Variants in PRKACB observed in about 807,000 individuals in gnomAD.
PRKACB encodes cAMP-dependent protein kinase catalytic subunit beta.
A neutral mutation model predicts 51.4 loss-of-function variants in PRKACB; 16 were observed. The observed-to-expected ratio is 0.31, with a 90% confidence interval of 0.21 to 0.47. The LOEUF is 0.47. Among genes scored for constraint, PRKACB ranks in the 20% least tolerant of loss-of-function variants. The pLI is 1.00. For synonymous variants in PRKACB, 147 were observed against 154.4 expected (o/e 0.95, Z 0.35); for missense variants, 309 against 464.5 (o/e 0.67, Z 3.08).
At chr1:84,193,121 C>G (rs1667268293) in intron 5 of PRKACB, among the ~76,000 whole-genome samples, 1 of 152,062 alleles carries the variant, frequency 6.6e-6, no homozygotes, top group African/African-American at 2.4e-5. Context: ...ATCAGTTAAC[C>G]AGGAGGCAAA....
intron 8 of PRKACB, among the ~76,000 whole-genome samples, chr1:84,207,618 C>A (rs1671539632): frequency 6.6e-6 from 1 of 152,074 alleles, no homozygotes; most frequent in African/African-American, 2.4e-5. Flanking sequence ...ATGCTCGTAG[C>A]CAGTAGTTAG....
rs1025059406 is a variant in PRKACB, at chr1:84,164,886, C to T, written c.188-14291C>T. 6.2e-6 allele frequency: 9 copies of T among 1,448,504 alleles called. No individual in the cohort carries two copies. In the African/African-American group the frequency reaches 1.0e-4, roughly 16 times the overall value. The allele number at this position is 1,448,504 out of a possible 1,614,324, so 89.7% of individuals were successfully genotyped here. ...GAAAGCTCTTTTCGTTTTCTGTGTG[C>T]TGCATGCTCCAGTGTGTGTGTTTAC... On this transcript the variant is annotated intron_variant, in intron 1 of 9. Coordinates refer to ENST00000370685, the MANE Select transcript of PRKACB (RefSeq NM_182948.4).
At chr1:84,173,162 A>G (rs1660093754) in intron 1 of PRKACB, among the ~76,000 whole-genome samples, 1 of 151,706 alleles carries the variant, frequency 6.6e-6, no homozygotes, top group Non-Finnish European at 1.5e-5. Flanking sequence ...GGATATCCAA[A>G]GAATTTCTTG....
chr1:84,112,091 C>G lies in PRKACB; in HGVS notation c.46+33720C>G, dbSNP rs181191417. Reference sequence around the variant, plus strand: ...GAGTCTTGTGAGCCTAACTCAAAGACACAAGATTAAATGATTAGTTTTACA... The same window carrying G: ...GAGTCTTGTGAGCCTAACTCAAAGAGACAAGATTAAATGATTAGTTTTACA... On this transcript the variant is annotated intron_variant, in intron 1 of 8. Coordinates refer to the PRKACB transcript ENST00000370688. Among the ~76,000 whole-genome samples the G allele has an allele frequency of 1.2e-4, 19 of 152,006 alleles. No individual in the cohort carries two copies. In the East Asian group the frequency reaches 3.5e-3, roughly 28 times the overall value.
At chr1:84,138,651 A>G (rs1028176448) in intron 1 of PRKACB, among the ~76,000 whole-genome samples, 1 of 152,238 alleles carries the variant, frequency 6.6e-6, no homozygotes, top group African/African-American at 2.4e-5. Flanking sequence ...CTGGAAAAAT[A>G]TAAGACAGAA....
intron 3 of PRKACB, among the ~76,000 whole-genome samples, chr1:84,183,003 A>G (rs1664018788): frequency 6.6e-6 from 1 of 152,084 alleles, no homozygotes; most frequent in Admixed American, 6.6e-5. Flanking sequence ...TAAAAGGCCT[A>G]GATTAAAACA....
intron 1 of PRKACB, among the ~76,000 whole-genome samples, chr1:84,122,158 T>A (rs536312102): frequency 6.6e-6 from 1 of 152,254 alleles, no homozygotes; most frequent in East Asian, 1.9e-4. Context: ...AACAATTCTC[T>A]CCAGCACTCT....
At chr1:84,195,366 T>C (rs992170591) in intron 5 of PRKACB, among the ~76,000 whole-genome samples, 3 of 152,182 alleles carry the variant, frequency 2.0e-5, no homozygotes, top group Non-Finnish European at 4.4e-5. Flanking sequence ...GCACATAAAG[T>C]CTTTTGTTGG....
At chr1:84,219,849 T>C (rs1414602915) in intron 9 of PRKACB, among the ~76,000 whole-genome samples, 1 of 152,082 alleles carries the variant, frequency 6.6e-6, no homozygotes, top group Non-Finnish European at 1.5e-5. Flanking sequence ...TTAGTTACTA[T>C]AGCTTTATAG....
rs184508421 is a variant in PRKACB, at chr1:84,150,973, G to A, written c.187+6425G>A. Among the ~76,000 whole-genome samples, 27 of 152,090 alleles carry A rather than the reference G, an allele frequency of 1.8e-4. 1 individual carries two copies. Among genetic ancestry groups the A allele is most frequent in the Non-Finnish European group, 2.4e-4 (16 of 68,006 alleles). On this transcript the variant is annotated intron_variant, in intron 1 of 9. Coordinates refer to ENST00000370685, the MANE Select transcript of PRKACB (RefSeq NM_182948.4). ...AGGTATACTTGACAAATAAAATTGCGTATATTTATAATGTACAACATGATG... is the reference window on the plus strand; with the variant it reads ...AGGTATACTTGACAAATAAAATTGCATATATTTATAATGTACAACATGATG...
In PRKACB at chr1:84,094,273, T is replaced by C. The variant is rs980690478; in HGVS notation, c.46+15902T>C. On this transcript the variant is annotated intron_variant, in intron 1 of 8. Transcript: ENST00000370688. ...TTTCTTCTATTCCTGGTTTGCTAAT[T>C]ATTTTTCCTTTGAGAATGGGTATTT... Among the ~76,000 whole-genome samples, 3 of 152,122 alleles carry C rather than the reference T, an allele frequency of 2.0e-5. No individual in the cohort carries two copies. In the East Asian group the frequency reaches 5.8e-4, roughly 29 times the overall value.
At chr1:84,125,965 CT>C (rs201474892) in intron 1 of PRKACB, among the ~76,000 whole-genome samples, 71 of 152,178 alleles carry the variant, frequency 4.7e-4, no homozygotes, top group African/African-American at 1.7e-3. Flanking sequence ...GCTCGCAGCT[CT>C]CATCCCCTCA....
At chr1:84,102,653 ATAAT>A (rs1649439135) in intron 1 of PRKACB, among the ~76,000 whole-genome samples, 2 of 152,148 alleles carry the variant, frequency 1.3e-5, no homozygotes, top group South Asian at 2.1e-4. Flanking sequence ...AGGGTCAGAG[ATAAT>A]TAATAAGGAA....
intron 9 of PRKACB, among the ~76,000 whole-genome samples, chr1:84,221,283 A>T (rs1386211132): frequency 6.6e-6 from 1 of 151,698 alleles, no homozygotes; most frequent in Non-Finnish European, 1.5e-5. Flanking sequence ...CTGTGGTGTC[A>T]GTTGTAAAAT....
At chr1:84,228,806 AT>A (rs1675083438) in intron 9 of PRKACB, among the ~76,000 whole-genome samples, 1 of 152,168 alleles carries the variant, frequency 6.6e-6, no homozygotes, top group Non-Finnish European at 1.5e-5. Context: ...GGAGAAAAGA[AT>A]TTTTACAAGA....
intron 9 of PRKACB, among the ~76,000 whole-genome samples, chr1:84,216,562 T>A (rs1672911369): frequency 6.6e-6 from 1 of 152,162 alleles, no homozygotes; most frequent in Non-Finnish European, 1.5e-5. Flanking sequence ...GATAGCACTT[T>A]AAAATAGATT....
intron 1 of PRKACB, among the ~76,000 whole-genome samples, chr1:84,136,204 CT>C (rs80075085): frequency 0.13 from 19,174 of 151,872 alleles, 1,527 homozygotes; most frequent in East Asian, 0.29. Flanking sequence ...AATCTGAATG[CT>C]TCTATAGCTT....
At chr1:84,116,661 T>C (rs141770546) in intron 1 of PRKACB, among the ~76,000 whole-genome samples, 9 of 152,318 alleles carry the variant, frequency 5.9e-5, no homozygotes, top group African/African-American at 2.2e-4. Context: ...TTTCTGTATG[T>C]TGATTTTGTC....
At chr1:84,215,388 G>A (rs576680760) in intron 9 of PRKACB, among the ~76,000 whole-genome samples, 8 of 152,198 alleles carry the variant, frequency 5.3e-5, no homozygotes, top group Non-Finnish European at 1.0e-4. Flanking sequence ...TCAGATGGTC[G>A]TATAAATAAA....
Sources: gnomAD v4.1 joint callset for allele counts (sites outside exome capture counted in the v4.1 genomes callset) on GRCh38, gnomAD v4.1.1 for gene constraint, MANE v1.5 for transcripts, NCBI Gene and HGNC (gene_info 2026-07-23, HGNC 2026-07-21) for gene names.